The following STARD13 variants were observed in gnomAD, a reference collection of about 807,000 sequenced individuals.
STARD13 encodes stAR-related lipid transfer protein 13.
STARD13 carries 62 observed loss-of-function variants against 106.4 expected under a neutral mutation model. The ratio of observed to expected loss-of-function variants is 0.58; its 90% CI spans 0.48 to 0.72. The LOEUF (loss-of-function observed/expected upper bound fraction) is 0.72, where lower values mean the gene tolerates loss of function less well. Among genes scored for constraint, STARD13 ranks in the 30% least tolerant of loss-of-function variants. STARD13 has a pLI of 0.00. For synonymous variants in STARD13, 565 were observed against 553.0 expected, an observed-to-expected ratio of 1.02 and a Z score of -0.31; for missense variants, 1,387 against 1,424.0, an observed-to-expected ratio of 0.97 and a Z score of 0.42.
At chr13:33,154,842 A>G (rs1881752184) in intron 3 of STARD13, among the ~76,000 whole-genome samples, 1 of 152,208 alleles carries the variant, frequency 6.6e-6, no homozygotes, top group Admixed American at 6.5e-5. Context: ...AGAGAGGGTC[A>G]AGAACTGAAG....
chr13:33,129,753 A>G lies in STARD13; in HGVS notation c.924T>C (p.Asn308=). Residue 308 remains asparagine (N), a synonymous_variant, in exon 5 of 14, where the codon AAT becomes AAC. Coordinates refer to ENST00000336934, the MANE Select transcript of STARD13 (RefSeq NM_178006.4). ...FKAMQCIQIP[N]GDLQNSPPPA... ...GTGGCGGCGAATTCTGGAGATCTCC[A>G]TTTGGTATTTGGATGCACTGCATAG... 11 of 1,614,026 alleles carry G rather than the reference A, an allele frequency of 6.8e-6. No homozygotes were observed. Among genetic ancestry groups the G allele is most frequent in the East Asian group, 2.2e-5 (1 of 44,878 alleles).
rs566359762 is a variant in STARD13 at position 33,275,493 on chromosome 13, T to C, written c.169+9977A>G. 2.2e-4 allele frequency among the ~76,000 whole-genome samples: 34 copies of C among 152,354 alleles called. No homozygotes were observed. In the South Asian group the frequency reaches 5.0e-3, roughly 22 times the overall value. The stretch of plus-strand genomic sequence containing the variant: ...GACTGTTGCTCTTTTAATGCCATTT[T>C]ACCCACAGAGGAACAAAAGCTAAGA... On this transcript the variant is annotated intron_variant, in intron 1 of 13. Transcript: ENST00000336934.
the STARD13 span, among the ~76,000 whole-genome samples, chr13:33,578,330 A>G: frequency 2.0e-5 from 3 of 152,068 alleles, no homozygotes; most frequent in Non-Finnish European, 4.4e-5. Context: ...AGAATATAGA[A>G]TCTAGAAATA....
chr13:33,214,998 T>C (rs1217469595), intron 1 of STARD13, among the ~76,000 whole-genome samples: 1 of 151,978 alleles, frequency 6.6e-6, no homozygotes, highest in African/African-American at 2.4e-5. Context: ...TCTACTGTAG[T>C]TTTTCCCCTC....
intron 1 of STARD13, among the ~76,000 whole-genome samples, chr13:33,175,161 C>G (rs888875919): frequency 6.6e-6 from 1 of 152,200 alleles, no homozygotes; most frequent in Non-Finnish European, 1.5e-5. Flanking sequence ...TGTTTTGACT[C>G]AAGTTTTCCA....
In STARD13 at chr13:33,130,171, T is replaced by A. The variant is rs374700460; in HGVS notation, c.506A>T (p.Asn169Ile). The A allele has an allele frequency of 6.2e-7, 1 of 1,614,048 alleles. No individual in the cohort carries two copies. Among genetic ancestry groups the A allele is most frequent in the Admixed American group, 1.7e-5 (1 of 60,032 alleles). ...LYTLLPRGDRNGSPGGTGMRN... is the reference protein window; with the variant it reads ...LYTLLPRGDRIGSPGGTGMRN... Reference sequence around the variant, plus strand: ...CATCCCCGTGCCTCCCGGTGACCCATTTCTGTCTCCTCGAGGGAGCAGCGT... The same window carrying A: ...CATCCCCGTGCCTCCCGGTGACCCAATTCTGTCTCCTCGAGGGAGCAGCGT... The change falls in exon 5 of 14, where the codon AAT (asparagine) becomes ATT (isoleucine). Residue 169 changes from asparagine to isoleucine, a missense_variant. By Grantham distance (149) the Asn-to-Ile change is moderately radical. Coordinates refer to ENST00000336934, the MANE Select transcript of STARD13 (RefSeq NM_178006.4). This position sits in a 1 kb window ranked among gnomAD's most constrained non-coding sequence, Gnocchi z 4.1.
the STARD13 span, among the ~76,000 whole-genome samples, chr13:33,430,839 C>A: frequency 6.6e-6 from 1 of 152,122 alleles, no homozygotes; most frequent in Non-Finnish European, 1.5e-5. Flanking sequence ...ATTGCATGTT[C>A]TCACTCATGT....
At chr13:33,479,069 G>A in the STARD13 span, among the ~76,000 whole-genome samples, 1 of 152,114 alleles carries the variant, frequency 6.6e-6, no homozygotes, top group Non-Finnish European at 1.5e-5. Context: ...ATGGGCTATA[G>A]AAATGAACAT....
chr13:33,242,771 T>A (rs981422370), intron 1 of STARD13, among the ~76,000 whole-genome samples: 1 of 151,856 alleles, frequency 6.6e-6, no homozygotes, highest in Non-Finnish European at 1.5e-5. Context: ...AAATAAAAAA[T>A]AAAAAAAGTA....
chr13:33,502,904 G>T, the STARD13 span, among the ~76,000 whole-genome samples: 1 of 152,200 alleles, frequency 6.6e-6, no homozygotes. Flanking sequence ...CATAAAATGA[G>T]TTAGGGAGGA....
At chr13:33,211,646 G>A (rs1395451870) in intron 1 of STARD13, among the ~76,000 whole-genome samples, 1 of 152,136 alleles carries the variant, frequency 6.6e-6, no homozygotes, top group Non-Finnish European at 1.5e-5. Context: ...CAATGTAAAT[G>A]CTATGTACAC....
chr13:33,262,658 AC>A (rs1248136392), intron 1 of STARD13, among the ~76,000 whole-genome samples: 161 of 95,598 alleles, frequency 1.7e-3, no homozygotes, highest in African/African-American at 7.3e-3. Flanking sequence ...CCACACACAC[AC>A]ACAACACACA....
At chr13:33,369,389 A>G in the STARD13 span, among the ~76,000 whole-genome samples, 1 of 152,170 alleles carries the variant, frequency 6.6e-6, no homozygotes, top group Non-Finnish European at 1.5e-5. Flanking sequence ...TCTCCCTTCA[A>G]ATACCTTGAA....
intron 12 of STARD13, among the ~76,000 whole-genome samples, chr13:33,107,808 T>A (rs1051011528): frequency 1.3e-5 from 2 of 152,042 alleles, no homozygotes; most frequent in African/African-American, 4.8e-5. Context: ...TATGAGAACA[T>A]CTCTGTAACA....
the STARD13 span, among the ~76,000 whole-genome samples, chr13:33,554,658 A>T: frequency 6.6e-6 from 1 of 152,324 alleles, no homozygotes; most frequent in East Asian, 1.9e-4. Context: ...CACACTGAAG[A>T]TATAAATGCA....
chr13:33,105,638 G>T lies in STARD13; in HGVS notation c.3297C>A (p.Asn1099Lys). 6.2e-7 allele frequency: 1 copy of T among 1,614,108 alleles called. No individual in the cohort carries two copies. The highest frequency in any genetic ancestry group is 1.1e-5 in the South Asian group (1 of 91,086). ...CCTCAGCAATGAGGGGCTGGAAAGA[G>T]TTTCTAATCCTGGCAACTTCTGCTG... is the stretch of plus-strand genomic sequence containing the variant. Reference protein sequence around the residue: ...LCAAEVARIRNSFQPLIAEGP... With the variant: ...LCAAEVARIRKSFQPLIAEGP... Residue 1099 changes from asparagine (N) to lysine (K), a missense_variant, in exon 14 of 14, where the codon AAC becomes AAA. Physicochemically the swap from Asn to Lys is moderately conservative, Grantham distance 94. Coordinates refer to ENST00000336934, the MANE Select transcript of STARD13 (RefSeq NM_178006.4).
At chr13:33,146,622 A>G (rs1055607903) in intron 3 of STARD13, among the ~76,000 whole-genome samples, 2 of 152,250 alleles carry the variant, frequency 1.3e-5, no homozygotes, top group African/African-American at 4.8e-5. Flanking sequence ...AAAATAATGC[A>G]AGTGAGTGAC....
chr13:33,222,980 G>T (rs1299185550), intron 1 of STARD13, among the ~76,000 whole-genome samples: 1 of 152,222 alleles, frequency 6.6e-6, no homozygotes, highest in African/African-American at 2.4e-5. Context: ...TAAGTGATTG[G>T]TAAATACGAT....
the STARD13 span, among the ~76,000 whole-genome samples, chr13:33,642,934 G>A: frequency 1.3e-5 from 2 of 151,612 alleles, no homozygotes; most frequent in African/African-American, 4.9e-5. Context: ...AGGTCAGGGT[G>A]AACTCATACA....
Sources: allele counts gnomAD v4.1 joint callset (sites outside exome capture counted in the v4.1 genomes callset), GRCh38; gene constraint gnomAD v4.1.1; non-coding constraint Gnocchi (gnomAD v3.1); transcripts MANE v1.5; gene names NCBI Gene and HGNC (gene_info 2026-07-23, HGNC 2026-07-21).